The following BAHD1 variants were observed in gnomAD, a reference collection of about 807,000 sequenced individuals.
BAHD1 encodes bromo adjacent homology domain containing 1, also known as bromo adjacent homology domain-containing 1 protein.
Under a neutral mutation model 63.1 loss-of-function variants are expected in BAHD1, and 20 were observed. That is an observed-to-expected ratio of 0.32 (90% CI 0.22 to 0.46). The LOEUF (loss-of-function observed/expected upper bound fraction) is 0.46, where lower values mean the gene tolerates loss of function less well. Among genes scored for constraint, BAHD1 ranks in the 20% least tolerant of loss-of-function variants. BAHD1 has a pLI of 1.00. For synonymous variants in BAHD1, 408 were observed against 426.8 expected, an observed-to-expected ratio of 0.96 and a Z score of 0.54; for missense variants, 939 against 1,071.8, an observed-to-expected ratio of 0.88 and a Z score of 1.73.
intron 1 of BAHD1, among the ~76,000 whole-genome samples, chr15:40,450,479 A>T (rs576463970): frequency 3.3e-5 from 5 of 152,320 alleles, no homozygotes; most frequent in African/African-American, 9.6e-5. Context: ...GTTCTTTGCC[A>T]TTCCTGGGCA....
At chr15:40,457,416 T>A (rs905501923) in intron 1 of BAHD1, among the ~76,000 whole-genome samples, 50 of 151,918 alleles carry the variant, frequency 3.3e-4, no homozygotes, top group African/African-American at 1.2e-3. Flanking sequence ...CATGGGCCCC[T>A]CAAAGCTGAG....
rs748245638 is a variant in BAHD1 at position 40,459,195 on chromosome 15, C to G, written c.731C>G (p.Ala244Gly). ...GRSTEPPAPK[A>G]PRPKWPKVNG... ...TCCACTGAGCCCCCAGCACCCAAGG[C>G]CCCGAGGCCAAAGTGGCCCAAGGTC... The change falls in exon 2 of 7, where the codon GCC becomes GGC. Residue 244 changes from alanine to glycine, a missense_variant. This residue lies in a region of BAHD1 where 797 missense variants were observed against 813.3 expected (regional missense o/e 0.98). Coordinates refer to ENST00000416165, the MANE Select transcript of BAHD1 (RefSeq NM_014952.5). 6.2e-7 allele frequency: 1 copy of G among 1,612,036 alleles called. No individual in the cohort carries two copies. Among genetic ancestry groups the G allele is most frequent in the Non-Finnish European group, 8.5e-7 (1 of 1,179,188 alleles).
At position 40,465,982 on chromosome 15, in the gene BAHD1, G is replaced by A. The variant is rs775300992; in HGVS notation, c.2195G>A (p.Ser732Asn). Residue 732 changes from serine (S) to asparagine (N), a missense_variant, in exon 7 of 7, where the codon AGC (serine) becomes AAC (asparagine). Ser to Asn is a conservative substitution (Grantham distance 46, BLOSUM62 1). This residue lies in a region of BAHD1 where 68 missense variants were observed against 86.2 expected (regional missense o/e 0.79). Transcript: ENST00000416165. ...MAKRRGEGLP[S>N]RKTALVPPSA... is the part of the protein sequence containing the mutation. ...AAGCGCCGAGGTGAAGGCCTCCCCA[G>A]CCGAAAGACAGCACTGGTTCCCCCC... is the stretch of plus-strand genomic sequence containing the variant. The A allele has an allele frequency of 6.2e-7, 1 of 1,608,534 alleles. No homozygotes were observed. Among genetic ancestry groups the A allele is most frequent in the Non-Finnish European group, 8.5e-7 (1 of 1,177,436 alleles).
chr15:40,447,978 G>A (rs952051717), intron 1 of BAHD1, among the ~76,000 whole-genome samples: 5 of 152,100 alleles, frequency 3.3e-5, no homozygotes, highest in Middle Eastern at 6.3e-3. Flanking sequence ...GGCCAGGTGC[G>A]GTGGCTCACG....
chr15:40,458,309 T>G lies in BAHD1; in HGVS notation c.-14-142T>G. ...GCCCCTTCACACTCTGGAAAGGGAG[T>G]CCCAGGAAAATCCATACTGGAGACA... On this transcript the variant is annotated intron_variant, in intron 1 of 6. Transcript: ENST00000416165. The surrounding 1 kb of genome is among the most constrained non-coding windows in gnomAD (Gnocchi z 4.7). 1 of 1,087,404 alleles carries G rather than the reference T, an allele frequency of 9.2e-7. No individual in the cohort carries two copies. The highest frequency in any genetic ancestry group is 1.3e-6 in the Non-Finnish European group (1 of 790,086). The allele number at this position is 1,087,404 out of a possible 1,614,324, so 67.4% of individuals were successfully genotyped here. A position where few individuals can be genotyped will look rare whatever the true frequency, so the allele number is the denominator to read the frequency against.
Position 40,466,847 on chromosome 15 carries a change from A to G in BAHD1, c.*717A>G, listed in dbSNP as rs1433834916. On this transcript the variant is annotated 3_prime_UTR_variant, in exon 7 of 7. Transcript: ENST00000416165. Reference sequence around the variant, plus strand: ...ACCCAGCGGGTCTGGCTTCCCAGAAAGTTAACTGATGATTGTGGGGTTTGT... The same window carrying G: ...ACCCAGCGGGTCTGGCTTCCCAGAAGGTTAACTGATGATTGTGGGGTTTGT... 1 of 152,330 alleles carries G rather than the reference A, an allele frequency of 6.6e-6. No homozygotes were observed. The highest frequency in any genetic ancestry group is 1.5e-5 in the Non-Finnish European group (1 of 68,066). 9.4% of individuals were successfully genotyped at this position (152,330 alleles called of 1,614,324 possible).
chr15:40,442,545 G>A (rs1036759364), intron 1 of BAHD1, among the ~76,000 whole-genome samples: 2 of 152,174 alleles, frequency 1.3e-5, no homozygotes, highest in East Asian at 1.9e-4. Flanking sequence ...AGCAGAGTCT[G>A]CCTACAGGCA....
At chr15:40,457,401 T>C (rs1029647403) in intron 1 of BAHD1, among the ~76,000 whole-genome samples, 2 of 152,040 alleles carry the variant, frequency 1.3e-5, no homozygotes, top group Admixed American at 6.6e-5. Context: ...ATGAGACTTC[T>C]CCACCATGGG....
chr15:40,446,790 G>C (rs1893552185), intron 1 of BAHD1, among the ~76,000 whole-genome samples: 1 of 152,140 alleles, frequency 6.6e-6, no homozygotes, highest in African/African-American at 2.4e-5. Context: ...TCCTGTCTTT[G>C]GGTAAGGAGG....
rs770762022 is a variant in BAHD1, at chr15:40,458,647, A to G, written c.183A>G (p.Pro61=). The change falls in exon 2 of 7, where the codon CCA becomes CCG. Residue 61 remains proline, a synonymous_variant. Coordinates refer to ENST00000416165, the MANE Select transcript of BAHD1 (RefSeq NM_014952.5). This position sits in a 1 kb window ranked among gnomAD's most constrained non-coding sequence, Gnocchi z 4.7. The part of the protein sequence containing the change: ...RRKNYPLRKR[P]LVPEKPKACK... The stretch of plus-strand genomic sequence containing the variant: ...AGAATTACCCACTTCGTAAGCGCCC[A>G]TTGGTTCCTGAGAAGCCCAAGGCCT... 70 of 1,613,700 alleles carry G rather than the reference A, an allele frequency of 4.3e-5. No homozygotes were observed. The highest frequency in any genetic ancestry group is 1.6e-4 in the Middle Eastern group (1 of 6,078).
intron 1 of BAHD1, among the ~76,000 whole-genome samples, chr15:40,454,969 C>T (rs934944220): frequency 1.2e-4 from 19 of 152,294 alleles, no homozygotes; most frequent in Admixed American, 1.3e-4. Context: ...CAGCCCCACC[C>T]CAGGGAAAAA....
At position 40,462,348 on chromosome 15, in the gene BAHD1, T is replaced by A. The variant is rs1189750367; in HGVS notation, c.1815+54T>A. The A allele has an allele frequency of 7.1e-6, 11 of 1,548,162 alleles. No individual in the cohort carries two copies. In the African/African-American group the frequency reaches 1.2e-4, roughly 17 times the overall value. The stretch of plus-strand genomic sequence containing the variant: ...GAGGGAGGGAGGCAGTGGGGACACA[T>A]GACCTGCAGTGAGGTAGGTGCTAGA... On this transcript the variant is annotated intron_variant, in intron 3 of 6. Transcript: ENST00000416165.
intron 1 of BAHD1, chr15:40,443,250 T>C (rs943443628): frequency 5.1e-6 from 5 of 985,218 alleles, no homozygotes; most frequent in African/African-American, 3.5e-5. Flanking sequence ...TGGGAGTTTA[T>C]TCATGGCCAC....
rs1045853317 is a variant in BAHD1 at position 40,457,216 on chromosome 15, C to G, written c.-14-1235C>G. On this transcript the variant is annotated intron_variant, in intron 1 of 6. Transcript: ENST00000416165. ...TGTTAGTGCTTCTCTTTGATACTTT[C>G]TTTTCCCAACTGTTTGTGGCCTTCA... 2.6e-5 allele frequency among the ~76,000 whole-genome samples: 4 copies of G among 152,226 alleles called. No homozygotes were observed. In the East Asian group the frequency reaches 7.7e-4, roughly 29 times the overall value.
rs1012344794 is a variant in BAHD1 at position 40,459,624 on chromosome 15, G to A, written c.1160G>A (p.Gly387Glu). ...GSFYLYCGQEGLQCGGYSPCP... is the reference protein window; with the variant it reads ...GSFYLYCGQEELQCGGYSPCP... ...TTCTACCTGTACTGTGGCCAAGAGG[G>A]GCTGCAGTGTGGGGGCTACTCGCCC... Residue 387 changes from glycine to glutamate, a missense_variant, in exon 2 of 7, where the codon GGG becomes GAG. Physicochemically the swap from Gly to Glu is moderately conservative, Grantham distance 98 (BLOSUM62 -2). Coordinates refer to ENST00000416165, the MANE Select transcript of BAHD1 (RefSeq NM_014952.5). The A allele has an allele frequency of 6.2e-7, 1 of 1,614,174 alleles. No individual in the cohort carries two copies. Among genetic ancestry groups the A allele is most frequent in the Admixed American group, 1.7e-5 (1 of 60,028 alleles).
chr15:40,445,332 C>T (rs1377078965), intron 1 of BAHD1, among the ~76,000 whole-genome samples: 10 of 150,494 alleles, frequency 6.6e-5, no homozygotes. Context: ...ATTTGACATC[C>T]AGAAAGGAAG....
intron 2 of BAHD1, among the ~76,000 whole-genome samples, chr15:40,461,007 G>A (rs1894023215): frequency 6.6e-6 from 1 of 152,176 alleles, no homozygotes. Context: ...ACTGTTCTGA[G>A]TGCTTTACAT....
At chr15:40,438,126 G>C (rs1190046096), upstream of BAHD1, among the ~76,000 whole-genome samples, 4 of 152,230 alleles carry the variant, frequency 2.6e-5, no homozygotes, top group African/African-American at 9.6e-5. Flanking sequence ...GAGGAAAGGT[G>C]ATGGGCCCCA....
intron 1 of BAHD1, among the ~76,000 whole-genome samples, chr15:40,448,044 C>G (rs1381907862): frequency 6.6e-6 from 1 of 152,114 alleles, no homozygotes. Flanking sequence ...GAGATCGAGA[C>G]CATCCTGGCC....
Sources: allele counts gnomAD v4.1 joint callset (sites outside exome capture counted in the v4.1 genomes callset), GRCh38; gene constraint gnomAD v4.1.1; regional missense constraint gnomAD v4.1.1; non-coding constraint Gnocchi (gnomAD v3.1); transcripts MANE v1.5; gene names NCBI Gene and HGNC (gene_info 2026-07-23, HGNC 2026-07-21).